The following NOTCH2 variants were observed in gnomAD, a reference collection of about 807,000 sequenced individuals.
NOTCH2 encodes the protein notch receptor 2, also known as neurogenic locus notch homolog protein 2.
Under a neutral mutation model 235.8 loss-of-function variants are expected in NOTCH2, and 29 were observed. That is an observed-to-expected ratio of 0.12 (90% CI 0.09 to 0.17). NOTCH2 has a LOEUF of 0.17. NOTCH2 is among the 10% of genes least tolerant of loss of function. The pLI is 1.00. For synonymous variants in NOTCH2, 1,086 were observed against 1,141.5 expected (o/e 0.95, Z 0.98); for missense variants, 2,285 against 3,150.2 (o/e 0.73, Z 6.57).
At chr1:120,017,341 T>C (rs1553208266) in intron 2 of NOTCH2, among the ~76,000 whole-genome samples, 1 of 151,918 alleles carries the variant, frequency 6.6e-6, no homozygotes, top group South Asian at 2.1e-4. Context: ...TCAACTTAAA[T>C]GTTATTTCCT....
At chr1:119,966,285 C>T (rs2101141256) in intron 9 of NOTCH2, 91 bp downstream of exon 9, 2 of 855,030 alleles carry the variant, frequency 2.3e-6, no homozygotes, top group Non-Finnish European at 4.1e-6. Flanking sequence ...TCCTCATGCA[C>T]AGCCCACACA....
At chr1:120,026,058 C>T (rs1553209851) in intron 2 of NOTCH2, among the ~76,000 whole-genome samples, 2 of 138,956 alleles carry the variant, frequency 1.4e-5, no homozygotes, top group African/African-American at 6.0e-5. Context: ...TACACGTTCT[C>T]CTAATCTGGC....
chr1:119,959,296 G>T, intron 12 of NOTCH2, 96 bp downstream of exon 12: 1 of 783,064 alleles, frequency 1.3e-6, no homozygotes, highest in Admixed American at 1.8e-5. Flanking sequence ...GAGTGACAAA[G>T]AAATAGGAAA....
intron 27 of NOTCH2, 41 bp from the exon 28 acceptor site, chr1:119,922,487 T>A (rs201558195): frequency 1.3e-6 from 2 of 1,597,072 alleles, no homozygotes; most frequent in East Asian, 2.2e-5. Context: ...GAATAAAACA[T>A]TAACCTCTCA....
chr1:119,936,870 G>A (rs1390798530), intron 21 of NOTCH2, among the ~76,000 whole-genome samples: 1 of 150,802 alleles, frequency 6.6e-6, no homozygotes, highest in Non-Finnish European at 1.5e-5. Context: ...TTTTTTTTGA[G>A]AGAAAATTGC....
At chr1:120,024,992 A>G (rs1653786392) in intron 2 of NOTCH2, among the ~76,000 whole-genome samples, 1 of 151,256 alleles carries the variant, frequency 6.6e-6, no homozygotes, top group African/African-American at 2.4e-5. Context: ...TGAAACCCAC[A>G]TTTACAGTTT....
chr1:119,998,705 T>C (rs1308897035), intron 3 of NOTCH2, among the ~76,000 whole-genome samples: 6 of 151,836 alleles, frequency 4.0e-5, no homozygotes, highest in African/African-American at 1.5e-4. Context: ...TTATTATTAT[T>C]ATACTTTAAG....
In NOTCH2 at chr1:119,920,219, C is replaced by A. The variant is rs766307111; in HGVS notation, c.5479+10G>T. On this transcript the variant is annotated intron_variant, in intron 30 of 33. Coordinates refer to ENST00000256646, the MANE Select transcript of NOTCH2 (RefSeq NM_024408.4). ...AGCCCAGTGAAGAGGGGAAGAGGCC[C>A]GGTGCTGACCTGGGCCACGGACATT... 2.0e-5 allele frequency: 32 copies of A among 1,613,706 alleles called. No individual in the cohort carries two copies. Among genetic ancestry groups the A allele is most frequent in the Non-Finnish European group, 2.6e-5 (31 of 1,179,898 alleles).
chr1:120,011,438 T>C (rs1471308541), intron 2 of NOTCH2, among the ~76,000 whole-genome samples: 1 of 152,198 alleles, frequency 6.6e-6, no homozygotes, highest in Non-Finnish European at 1.5e-5. Context: ...CAGGATTCAA[T>C]GGTTTGGCGT....
At position 119,969,711 on chromosome 1, in the gene NOTCH2, A is replaced by G; in HGVS notation, c.908T>C (p.Leu303Pro). The change falls in exon 6 of 34, where the codon CTG (leucine) becomes CCG (proline). Residue 303 changes from leucine to proline, a missense_variant. Transcript: ENST00000256646. ...ATTTTGACAGGCATTGGGCTGCAGC[A>G]GGCATTCATCCACATCCTCTGTGCA... ...QFCTEDVDEC[L>P]LQPNACQNGG... The G allele has an allele frequency of 6.2e-7, 1 of 1,614,130 alleles. No individual in the cohort carries two copies. Among genetic ancestry groups the G allele is most frequent in the Non-Finnish European group, 8.5e-7 (1 of 1,179,986 alleles).
chr1:119,922,578 T>C (rs1649323714), intron 27 of NOTCH2, 58 bp downstream of exon 27: 1 of 1,611,594 alleles, frequency 6.2e-7, no homozygotes, highest in African/African-American at 1.3e-5. Flanking sequence ...ATGAAAATTG[T>C]TCCCCCAATT....
At chr1:119,926,682 G>A in intron 23 of NOTCH2, 71 bp from the exon 24 acceptor site, 1 of 1,261,164 alleles carries the variant, frequency 7.9e-7, no homozygotes, top group Non-Finnish European at 1.1e-6. Context: ...AACAAACTTT[G>A]CTGGGATGGG....
chr1:119,941,518 T>C lies in NOTCH2; in HGVS notation c.2981+8A>G. The C allele has an allele frequency of 3.1e-6, 5 of 1,595,094 alleles. No individual in the cohort carries two copies. Among genetic ancestry groups the C allele is most frequent in the Non-Finnish European group, 4.3e-6 (5 of 1,162,972 alleles). On this transcript the variant is annotated splice_region_variant and intron_variant, in intron 18 of 33. Transcript: ENST00000256646. ...AAGATGCTGATGCCCGAGGGACTGG[T>C]TGCTCACCTCTCAGTGCACTCATTG...
intron 15 of NOTCH2, 135 bp downstream of exon 15, chr1:119,950,589 A>C: frequency 1.4e-6 from 1 of 733,008 alleles, no homozygotes; most frequent in Non-Finnish European, 2.5e-6. Flanking sequence ...CAGTCAGTAA[A>C]GGCAGGAAGG....
chr1:120,011,542 T>A (rs1475570834), intron 2 of NOTCH2, among the ~76,000 whole-genome samples: 3 of 152,108 alleles, frequency 2.0e-5, no homozygotes, highest in Non-Finnish European at 2.9e-5. Context: ...TGACCAAAAT[T>A]TTCTGCCTCC....
chr1:119,995,621 ATTATG>A (rs1652410505), intron 4 of NOTCH2: 1 of 152,250 alleles, frequency 6.6e-6, no homozygotes, highest in Admixed American at 6.5e-5. Context: ...GAATAGTAAT[ATTATG>A]TTAAGAAAAC....
At chr1:119,959,704 T>C (rs1650863822) in intron 11 of NOTCH2, among the ~76,000 whole-genome samples, 2 of 152,212 alleles carry the variant, frequency 1.3e-5, no homozygotes, top group African/African-American at 2.4e-5. Context: ...TTAATCATAC[T>C]TAGCCATGAT....
intron 3 of NOTCH2, among the ~76,000 whole-genome samples, chr1:119,999,495 G>A (rs1412997930): frequency 2.7e-4 from 40 of 148,240 alleles, no homozygotes; most frequent in Admixed American, 2.6e-3. Flanking sequence ...TTCCACTCAT[G>A]TCACTAAGAG....
intron 3 of NOTCH2, among the ~76,000 whole-genome samples, chr1:119,997,973 C>CAA (rs4020948): frequency 0.075 from 8,786 of 117,292 alleles, 455 homozygotes; most frequent in African/African-American, 0.18. Flanking sequence ...GACTCTATTT[C>CAA]AAAAAAAAAA....
Sources: gnomAD v4.1 joint callset for allele counts (sites outside exome capture counted in the v4.1 genomes callset) on GRCh38, gnomAD v4.1.1 for gene constraint, MANE v1.5 for transcripts, NCBI Gene and HGNC (gene_info 2026-07-23, HGNC 2026-07-21) for gene names.